The following CACNA1E variants were observed in gnomAD, a reference collection of about 807,000 sequenced individuals.
CACNA1E encodes the protein calcium voltage-gated channel subunit alpha1 E, also known as voltage-dependent R-type calcium channel subunit alpha-1E.
CACNA1E carries 40 observed loss-of-function variants against 259.2 expected under a neutral mutation model. The observed-to-expected ratio is 0.15, with a 90% CI of 0.12 to 0.20. The LOEUF (loss-of-function observed/expected upper bound fraction) is 0.20, where lower values mean the gene tolerates loss of function less well. Among genes scored for constraint, CACNA1E ranks in the 10% least tolerant of loss-of-function variants. CACNA1E has a pLI of 1.00. For missense variants in CACNA1E, 1,874 were observed against 3,040.1 expected, an observed-to-expected ratio of 0.62 and a Z score of 9.02; for synonymous variants, 1,104 against 1,138.5, an observed-to-expected ratio of 0.97 and a Z score of 0.61.
intron 1 of CACNA1E, among the ~76,000 whole-genome samples, chr1:181,335,164 C>T (rs1490687662): frequency 1.3e-5 from 2 of 152,218 alleles, no homozygotes; most frequent in African/African-American, 4.8e-5. Flanking sequence ...TTCCTACCAA[C>T]CCTGCCCTCC....
At chr1:181,391,943 CTCTGTGTGTGTG>C (rs1329316800) in intron 1 of CACNA1E, among the ~76,000 whole-genome samples, 10 of 125,054 alleles carry the variant, frequency 8.0e-5, no homozygotes, top group Non-Finnish European at 1.5e-4. Flanking sequence ...CTCTCTCTCT[CTCTGTGTGTGTG>C]TGTGTGTGTG....
chr1:181,577,856 G>A lies in CACNA1E; in HGVS notation c.603G>A (p.Val201=), dbSNP rs776970436. Residue 201 remains valine (V), a synonymous_variant, in exon 4 of 48, where the codon GTG becomes GTA. Transcript: ENST00000367573. The part of the protein sequence containing the change: ...AVRVLRPLKL[V]SGIPSLQIVL... ...GTGTCCTGCGGCCTTTGAAGCTCGT[G>A]TCAGGGATACCTAGTGAGCATCTGC... 1.1e-5 allele frequency: 18 copies of A among 1,608,198 alleles called. No homozygotes were observed. The highest frequency in any genetic ancestry group is 1.7e-5 in the Admixed American group (1 of 59,624).
At chr1:181,658,784 A>T (rs1479619991) in intron 7 of CACNA1E, among the ~76,000 whole-genome samples, 1 of 152,212 alleles carries the variant, frequency 6.6e-6, no homozygotes, top group Non-Finnish European at 1.5e-5. Context: ...TGACATTTTA[A>T]GGAGTGTTCA....
intron 7 of CACNA1E, among the ~76,000 whole-genome samples, chr1:181,681,809 G>A (rs1650000389): frequency 6.6e-6 from 1 of 152,146 alleles, no homozygotes. Flanking sequence ...CTACCTCACA[G>A]GGTTGCCTTT....
chr1:181,515,448 AGTATT>A (rs1246588832), intron 3 of CACNA1E, among the ~76,000 whole-genome samples: 1 of 152,224 alleles, frequency 6.6e-6, no homozygotes, highest in Non-Finnish European at 1.5e-5. Flanking sequence ...CAGTGAAACT[AGTATT>A]GTGTTGGTGA....
chr1:181,347,573 C>T (rs1158466362), intron 1 of CACNA1E, among the ~76,000 whole-genome samples: 1 of 152,222 alleles, frequency 6.6e-6, no homozygotes, highest in East Asian at 1.9e-4. Context: ...TGGGATCGCC[C>T]ATTCGAAAGG....
intron 7 of CACNA1E, among the ~76,000 whole-genome samples, chr1:181,675,808 A>G (rs988903016): frequency 6.6e-6 from 1 of 152,152 alleles, no homozygotes; most frequent in African/African-American, 2.4e-5. Context: ...CAGGGGTTGG[A>G]ATGCCTTTGC....
intron 1 of CACNA1E, among the ~76,000 whole-genome samples, chr1:181,500,424 G>A (rs1462271580): frequency 6.6e-6 from 1 of 152,240 alleles, no homozygotes; most frequent in Non-Finnish European, 1.5e-5. Context: ...TGGCCATGGA[G>A]AGAGTATTTA....
At chr1:181,588,599 G>C (rs559633246) in intron 6 of CACNA1E, among the ~76,000 whole-genome samples, 6 of 152,334 alleles carry the variant, frequency 3.9e-5, no homozygotes, top group South Asian at 2.1e-4. Flanking sequence ...AATGTGCTAA[G>C]TGTGCCTCCT....
At chr1:181,478,804 C>T (rs1404429208), upstream of CACNA1E, among the ~76,000 whole-genome samples, 1 of 152,350 alleles carries the variant, frequency 6.6e-6, no homozygotes, top group South Asian at 2.1e-4. Flanking sequence ...AATAGGCCAA[C>T]TGCTTCTCCA....
At chr1:181,323,088 T>C (rs1030756206) in intron 1 of CACNA1E, among the ~76,000 whole-genome samples, 2 of 152,260 alleles carry the variant, frequency 1.3e-5, no homozygotes, top group African/African-American at 2.4e-5. Flanking sequence ...TGCAACTTGG[T>C]ATCAAAGTAG....
chr1:181,349,737 T>C (rs1392599991), intron 1 of CACNA1E, among the ~76,000 whole-genome samples: 1 of 151,948 alleles, frequency 6.6e-6, no homozygotes, highest in Non-Finnish European at 1.5e-5. Context: ...CTCAGGGCTG[T>C]GTAGAGAGGA....
At chr1:181,464,458 C>G (rs1662023114) in intron 2 of CACNA1E, among the ~76,000 whole-genome samples, 1 of 151,436 alleles carries the variant, frequency 6.6e-6, no homozygotes, top group Non-Finnish European at 1.5e-5. Flanking sequence ...TTTTAGGTAC[C>G]TTATGGTTTT....
intron 2 of CACNA1E, among the ~76,000 whole-genome samples, chr1:181,434,476 A>G (rs563854333): frequency 6.6e-6 from 1 of 151,986 alleles, no homozygotes; most frequent in Admixed American, 6.6e-5. Flanking sequence ...TTAAATTTTA[A>G]TGGGAGACAT....
chr1:181,387,294 A>G (rs1273500599), intron 1 of CACNA1E, among the ~76,000 whole-genome samples: 2 of 152,214 alleles, frequency 1.3e-5, no homozygotes, highest in Non-Finnish European at 2.9e-5. Flanking sequence ...CTTTACAGTG[A>G]CAGCGAGCTT....
intron 2 of CACNA1E, among the ~76,000 whole-genome samples, chr1:181,444,938 G>C (rs12073221): frequency 0.35 from 52,811 of 151,984 alleles, 9,381 homozygotes; most frequent in African/African-American, 0.4. Context: ...TTCTCTCTCT[G>C]TAAATTTTTT....
chr1:181,603,094 A>C (rs1030976835), intron 6 of CACNA1E, among the ~76,000 whole-genome samples: 1 of 152,182 alleles, frequency 6.6e-6, no homozygotes, highest in Non-Finnish European at 1.5e-5. Context: ...AATGAATCTT[A>C]AAACCTACTG....
chr1:181,649,050 A>G (rs1460440647), intron 6 of CACNA1E, among the ~76,000 whole-genome samples: 1 of 152,182 alleles, frequency 6.6e-6, no homozygotes, highest in East Asian at 1.9e-4. Flanking sequence ...ATTGCAATTC[A>G]CTTTTCAGCT....
At chr1:181,594,718 A>G (rs1432122919) in intron 6 of CACNA1E, among the ~76,000 whole-genome samples, 1 of 152,142 alleles carries the variant, frequency 6.6e-6, no homozygotes, top group Non-Finnish European at 1.5e-5. Context: ...TTTCTTATCC[A>G]TTCTTCCTGA....
Sources: allele counts gnomAD v4.1 joint callset (sites outside exome capture counted in the v4.1 genomes callset), GRCh38; gene constraint gnomAD v4.1.1; transcripts MANE v1.5; gene names NCBI Gene and HGNC (gene_info 2026-07-23, HGNC 2026-07-21).